The following DGKE variants were observed in gnomAD, a reference collection of about 807,000 sequenced individuals.
The protein encoded by DGKE is diacylglycerol kinase epsilon.
Under a neutral mutation model 70.0 loss-of-function variants are expected in DGKE, and 53 were observed. The ratio of observed to expected loss-of-function variants is 0.76; its 90% CI spans 0.61 to 0.95. DGKE has a LOEUF of 0.95. Among genes scored for constraint, DGKE ranks in the 40% least tolerant of loss-of-function variants. DGKE has a pLI of 0.00. For synonymous variants in DGKE, 291 were observed against 257.0 expected (o/e 1.13, Z -1.27); for missense variants, 655 against 706.9 (o/e 0.93, Z 0.83).
At chr17:56,858,912 T>C (rs1040698563) in intron 9 of DGKE, among the ~76,000 whole-genome samples, 2 of 152,172 alleles carry the variant, frequency 1.3e-5, no homozygotes, top group Non-Finnish European at 2.9e-5. Context: ...AATGAAGTAA[T>C]TTGCCCAAAT....
chr17:56,848,892 T>G, intron 6 of DGKE, 39 bp downstream of exon 6: 4 of 1,612,988 alleles, frequency 2.5e-6, no homozygotes, highest in Non-Finnish European at 3.4e-6. Flanking sequence ...TTCTTGAGAT[T>G]TAGCCATAAT....
chr17:56,840,883 C>T (rs1031894965), intron 2 of DGKE, among the ~76,000 whole-genome samples: 1 of 152,040 alleles, frequency 6.6e-6, no homozygotes, highest in Non-Finnish European at 1.5e-5. Context: ...CCTAGCTACT[C>T]AGGAGACTGA....
chr17:56,843,933 A>AT lies in DGKE; in HGVS notation c.465-80dup. 5.3e-6 allele frequency: 7 copies of AT among 1,324,846 alleles called. No homozygotes were observed. The East Asian group carries it at 1.1e-4, about 21-fold the overall frequency. 82.1% of individuals were successfully genotyped at this position (1,324,846 alleles called of 1,614,324 possible). On this transcript the variant is annotated intron_variant, in intron 2 of 11. Transcript: ENST00000284061. ...GTAAGTAGTGATAAAATTATGTTTTATTTTTTAACAAAAATGATTGTTTTG... is the reference window on the plus strand; with the variant it reads ...GTAAGTAGTGATAAAATTATGTTTTATTTTTTTAACAAAAATGATTGTTTTG...
In DGKE at chr17:56,835,039, C is replaced by A; in HGVS notation, c.244C>A (p.Leu82Met). 1 of 1,613,020 alleles carries A rather than the reference C, an allele frequency of 6.2e-7. No homozygotes were observed. The highest frequency in any genetic ancestry group is 8.5e-7 in the Non-Finnish European group (1 of 1,180,030). ...TYCCVCAQHI[L>M]QGAFCDCCGL... Reference sequence around the variant, plus strand: ...CTGCTGCGTGTGCGCGCAGCACATTCTGCAGGGCGCCTTCTGCGACTGCTG... The same window carrying A: ...CTGCTGCGTGTGCGCGCAGCACATTATGCAGGGCGCCTTCTGCGACTGCTG... Residue 82 changes from leucine to methionine, a missense_variant, in exon 2 of 12, where the codon CTG (leucine) becomes ATG (methionine). Transcript: ENST00000284061.
At chr17:56,862,568 T>C in intron 11 of DGKE, 44 bp from the exon 12 acceptor site, 5 of 1,446,926 alleles carry the variant, frequency 3.5e-6, no homozygotes, top group Non-Finnish European at 4.5e-6. Context: ...CTTTCTAAAT[T>C]TGGGGGGACT....
At chr17:56,844,300 C>A (rs1598025205) in intron 3 of DGKE, 122 bp downstream of exon 3, 3 of 611,368 alleles carry the variant, frequency 4.9e-6, no homozygotes, top group East Asian at 7.2e-5. Context: ...ACTTAAATAA[C>A]AGATCAAGAC....
Position 56,848,866 on chromosome 17 carries a change from TC to T in DGKE, c.1046+17del. On this transcript the variant is annotated intron_variant, in intron 6 of 11. Transcript: ENST00000284061. Reference sequence around the variant, plus strand: ...TTAAACTAGATCGGTAAGTTACGTTTCCCCAAAAAGTAGATTTCTTGAGATT... The same window carrying T: ...TTAAACTAGATCGGTAAGTTACGTTTCCCAAAAAGTAGATTTCTTGAGATT... 1 of 1,613,926 alleles carries T rather than the reference TC, an allele frequency of 6.2e-7. No homozygotes were observed. The highest frequency in any genetic ancestry group is 8.5e-7 in the Non-Finnish European group (1 of 1,179,896).
intron 2 of DGKE, among the ~76,000 whole-genome samples, chr17:56,841,519 A>G (rs971275532): frequency 1.2e-4 from 18 of 152,226 alleles, no homozygotes; most frequent in African/African-American, 4.3e-4. Flanking sequence ...AGTTTTACCT[A>G]CTAATCAGAC....
rs139700082 is a variant in DGKE at position 56,863,162 on chromosome 17, C to T, written c.*371C>T. On this transcript the variant is annotated 3_prime_UTR_variant, in exon 12 of 12. Transcript: ENST00000284061. ...CACACAATGGATGGACACATTATATCTCCAACAAGGTGTGGGTGGAAAGAT... is the reference window on the plus strand; with the variant it reads ...CACACAATGGATGGACACATTATATTTCCAACAAGGTGTGGGTGGAAAGAT... 1.8e-3 allele frequency: 283 copies of T among 160,008 alleles called. 1 individual carries two copies. Among genetic ancestry groups the T allele is most frequent in the Non-Finnish European group, 1.8e-3 (133 of 73,552 alleles). 9.9% of individuals were successfully genotyped at this position (160,008 alleles called of 1,614,324 possible).
intron 7 of DGKE, among the ~76,000 whole-genome samples, chr17:56,849,534 G>A (rs1329632038): frequency 2.0e-5 from 3 of 152,148 alleles, no homozygotes; most frequent in African/African-American, 7.2e-5. Flanking sequence ...TGCAAAGCAT[G>A]GTTAGCAAGT....
rs749787776 is a variant in DGKE at position 56,848,073 on chromosome 17, T to G, written c.888+8T>G. ...GATGACATGAAGATTAAGGTATTAGTCTTTAAGAACTACTACAGAAGGACT... is the reference window on the plus strand; with the variant it reads ...GATGACATGAAGATTAAGGTATTAGGCTTTAAGAACTACTACAGAAGGACT... On this transcript the variant is annotated splice_region_variant and intron_variant, in intron 5 of 11. Coordinates refer to ENST00000284061, the MANE Select transcript of DGKE (RefSeq NM_003647.3). The G allele has an allele frequency of 6.6e-7, 1 of 1,510,904 alleles. No individual in the cohort carries two copies. The highest frequency in any genetic ancestry group is 8.9e-7 in the Non-Finnish European group (1 of 1,129,058). The allele number at this position is 1,510,904 out of a possible 1,614,324, so 93.6% of individuals were successfully genotyped here.
At position 56,869,421 on chromosome 17, in the gene DGKE, T is replaced by C. The variant is rs1908661917; in HGVS notation, c.*6630T>C. ...AAGCTTTCTGATTTATCAGTAACGATCTGAAAAATGTACTGTGGCATGTAA... is the reference window on the plus strand; with the variant it reads ...AAGCTTTCTGATTTATCAGTAACGACCTGAAAAATGTACTGTGGCATGTAA... On this transcript the variant is annotated 3_prime_UTR_variant, in exon 12 of 12. Transcript: ENST00000284061. 6.6e-6 allele frequency: 1 copy of C among 152,240 alleles called. No homozygotes were observed. The highest frequency in any genetic ancestry group is 2.4e-5 in the African/African-American group (1 of 41,458). The allele number at this position is 152,240 out of a possible 1,614,324, so 9.4% of individuals were successfully genotyped here.
chr17:56,852,166 AC>A (rs1206290360), intron 7 of DGKE, among the ~76,000 whole-genome samples: 1 of 152,176 alleles, frequency 6.6e-6, no homozygotes, highest in Non-Finnish European at 1.5e-5. Context: ...TAATCCCAGC[AC>A]TCTGGGAGGC....
chr17:56,854,443 G>T (rs150548230), intron 7 of DGKE, among the ~76,000 whole-genome samples: 1 of 151,758 alleles, frequency 6.6e-6, no homozygotes, highest in Non-Finnish European at 1.5e-5. Flanking sequence ...TTAGTAACTG[G>T]GACTACAGGC....
At chr17:56,854,156 G>A (rs1907809495) in intron 7 of DGKE, among the ~76,000 whole-genome samples, 1 of 152,126 alleles carries the variant, frequency 6.6e-6, no homozygotes, top group Non-Finnish European at 1.5e-5. Flanking sequence ...ACCAGAGGCT[G>A]TAGAGAGTAG....
chr17:56,844,310 C>T, intron 3 of DGKE, 132 bp downstream of exon 3: 1 of 574,112 alleles, frequency 1.7e-6, no homozygotes, highest in Non-Finnish European at 2.7e-6. Flanking sequence ...CAGATCAAGA[C>T]CAAGGAGAGA....
At chr17:56,861,399 G>A (rs1239612197) in intron 9 of DGKE, among the ~76,000 whole-genome samples, 2 of 152,172 alleles carry the variant, frequency 1.3e-5, no homozygotes, top group Non-Finnish European at 2.9e-5. Context: ...TATGGGCAGT[G>A]GATAGATGGA....
At chr17:56,854,994 G>T (rs1269760040) in intron 7 of DGKE, among the ~76,000 whole-genome samples, 1 of 152,082 alleles carries the variant, frequency 6.6e-6, no homozygotes, top group East Asian at 1.9e-4. Flanking sequence ...CAAGTGTTTT[G>T]TGCCCATCTG....
At chr17:56,859,001 A>AG in intron 9 of DGKE, among the ~76,000 whole-genome samples, 1 of 152,188 alleles carries the variant, frequency 6.6e-6, no homozygotes, top group Non-Finnish European at 1.5e-5. Context: ...TTTAACTATT[A>AG]GGGTGAGTGG....
Sources: allele counts gnomAD v4.1 joint callset (sites outside exome capture counted in the v4.1 genomes callset), GRCh38; gene constraint gnomAD v4.1.1; transcripts MANE v1.5; gene names NCBI Gene and HGNC (gene_info 2026-07-23, HGNC 2026-07-21).